Variants in KLHL1 observed in about 807,000 individuals in gnomAD.
The protein encoded by KLHL1 is kelch like family member 1, also known as kelch-like protein 1.
KLHL1 carries 47 observed loss-of-function variants against 77.7 expected under a neutral mutation model. The observed-to-expected ratio is 0.60, with a 90% CI of 0.48 to 0.77. The LOEUF is 0.77. Ranked by LOEUF, KLHL1 falls within the 30% of genes least tolerant of loss-of-function variation. The pLI is 0.00. For missense variants in KLHL1, 925 were observed against 910.8 expected, an observed-to-expected ratio of 1.02 and a Z score of -0.20; for synonymous variants, 360 against 325.2, an observed-to-expected ratio of 1.11 and a Z score of -1.15.
At chr13:70,097,710 A>G (rs1593741714) in intron 1 of KLHL1, among the ~76,000 whole-genome samples, 1 of 151,908 alleles carries the variant, frequency 6.6e-6, no homozygotes, top group East Asian at 1.9e-4. Flanking sequence ...TACTATCACA[A>G]TTGCAAACTA....
intron 9 of KLHL1, among the ~76,000 whole-genome samples, chr13:69,712,772 T>TG (rs796919925): frequency 7.0e-4 from 37 of 52,980 alleles, no homozygotes; most frequent in African/African-American, 2.5e-3. Context: ...TTTTTTTTTT[T>TG]GGGGGGGGGG....
chr13:69,726,956 A>G (rs1043381929), intron 8 of KLHL1, among the ~76,000 whole-genome samples: 1 of 152,156 alleles, frequency 6.6e-6, no homozygotes, highest in Non-Finnish European at 1.5e-5. Context: ...TCTAGAAAAA[A>G]TAGTGATTTA....
intron 5 of KLHL1, among the ~76,000 whole-genome samples, chr13:69,866,702 T>C (rs1279400195): frequency 6.6e-6 from 1 of 152,152 alleles, no homozygotes; most frequent in Non-Finnish European, 1.5e-5. Flanking sequence ...TATAAACTAT[T>C]GTTTTGACAT....
chr13:69,814,395 CTAT>C (rs1478168844), intron 6 of KLHL1, among the ~76,000 whole-genome samples: 1 of 152,008 alleles, frequency 6.6e-6, no homozygotes, highest in Non-Finnish European at 1.5e-5. Flanking sequence ...CAAAAATTGA[CTAT>C]TGAGAGGTAA....
At chr13:69,813,775 A>G (rs1878001695) in intron 6 of KLHL1, among the ~76,000 whole-genome samples, 1 of 152,212 alleles carries the variant, frequency 6.6e-6, no homozygotes, top group South Asian at 2.1e-4. Context: ...AAAACATTCC[A>G]TGCTCATGGA....
intron 6 of KLHL1, among the ~76,000 whole-genome samples, chr13:69,815,610 T>C (rs1264667434): frequency 6.6e-6 from 1 of 152,146 alleles, no homozygotes; most frequent in East Asian, 1.9e-4. Context: ...TCAGGTACTA[T>C]GTTTACTCTT....
At chr13:69,999,502 A>T (rs1885234695) in intron 1 of KLHL1, among the ~76,000 whole-genome samples, 1 of 152,254 alleles carries the variant, frequency 6.6e-6, no homozygotes, top group African/African-American at 2.4e-5. Context: ...AATTTCAAGT[A>T]TAAACTTTCC....
At chr13:69,806,394 A>T (rs1877619049) in intron 6 of KLHL1, among the ~76,000 whole-genome samples, 1 of 152,214 alleles carries the variant, frequency 6.6e-6, no homozygotes, top group Admixed American at 6.5e-5. Flanking sequence ...GACTAGACCC[A>T]AGTAGCATGT....
chr13:69,769,012 A>G (rs1209030890), intron 7 of KLHL1, among the ~76,000 whole-genome samples: 1 of 152,220 alleles, frequency 6.6e-6, no homozygotes, highest in African/African-American at 2.4e-5. Context: ...AATGAATATG[A>G]CTAAGTCTCA....
rs1258190291 is a variant in KLHL1 at position 70,108,187 on chromosome 13, G to A, written c.-488C>T. On this transcript the variant is annotated 5_prime_UTR_variant, in exon 1 of 11. Transcript: ENST00000377844. ...CTTGCAGCTCAGAGTTCAGTGTCTG[G>A]AGAGCGCAGAGAGAAAGAGCCCCAA... 2.5e-6 allele frequency: 1 copy of A among 397,212 alleles called. No homozygotes were observed. The highest frequency in any genetic ancestry group is 4.4e-6 in the Non-Finnish European group (1 of 226,054). 24.6% of individuals were successfully genotyped at this position (397,212 alleles called of 1,614,324 possible).
intron 1 of KLHL1, among the ~76,000 whole-genome samples, chr13:70,055,536 A>T (rs1886724464): frequency 6.6e-6 from 1 of 152,144 alleles, no homozygotes; most frequent in African/African-American, 2.4e-5. Flanking sequence ...TAACACTAAG[A>T]TTGCATTAAC....
chr13:69,966,647 C>A (rs1385913377), intron 2 of KLHL1, among the ~76,000 whole-genome samples: 1 of 151,970 alleles, frequency 6.6e-6, no homozygotes, highest in Non-Finnish European at 1.5e-5. Flanking sequence ...CATACACGTG[C>A]AATTTTGTTA....
chr13:69,875,622 T>A (rs1448551816), intron 5 of KLHL1, among the ~76,000 whole-genome samples: 1 of 152,132 alleles, frequency 6.6e-6, no homozygotes, highest in Admixed American at 6.5e-5. Context: ...TCCTTGCATA[T>A]CTTTTATTAT....
At chr13:69,970,748 A>G (rs953715148) in intron 2 of KLHL1, among the ~76,000 whole-genome samples, 2 of 152,132 alleles carry the variant, frequency 1.3e-5, no homozygotes, top group Non-Finnish European at 1.5e-5. Flanking sequence ...AGAGATAAAG[A>G]GGAAGCAAGT....
At chr13:69,961,539 T>G in intron 2 of KLHL1, 95 bp from the exon 3 acceptor site, 1 of 1,310,074 alleles carries the variant, frequency 7.6e-7, no homozygotes. Flanking sequence ...AATCAATCTA[T>G]TGATCAATCA....
At chr13:70,034,460 A>C (rs1366980473) in intron 1 of KLHL1, among the ~76,000 whole-genome samples, 1 of 152,184 alleles carries the variant, frequency 6.6e-6, no homozygotes, top group Non-Finnish European at 1.5e-5. Flanking sequence ...AATGGGACTC[A>C]GCAGTTAGTG....
intron 6 of KLHL1, among the ~76,000 whole-genome samples, chr13:69,811,744 A>C (rs1175217008): frequency 6.6e-6 from 1 of 152,132 alleles, no homozygotes. Context: ...TTCTATCAAA[A>C]GACCCTAGAC....
chr13:69,999,479 G>T (rs552329845), intron 1 of KLHL1, among the ~76,000 whole-genome samples: 1 of 152,152 alleles, frequency 6.6e-6, no homozygotes, highest in African/African-American at 2.4e-5. Flanking sequence ...AGCTTGAAAG[G>T]TTTGACAGAC....
rs559882981 is a variant in KLHL1, at chr13:69,828,708, G to A, written c.1414+10268C>T. Among the ~76,000 whole-genome samples the A allele has an allele frequency of 2.1e-4, 31 of 150,304 alleles. 3 individuals are homozygous for A. The highest frequency in any genetic ancestry group is 6.7e-4 in the African/African-American group (27 of 40,134). On this transcript the variant is annotated intron_variant, in intron 6 of 10. Transcript: ENST00000377844. ...GCTGCCTGGATATAAACTCCAGGCT[G>A]ATGCTGGGACAAGGTGGGAATAAGG...
Sources: allele counts gnomAD v4.1 joint callset (sites outside exome capture counted in the v4.1 genomes callset), GRCh38; gene constraint gnomAD v4.1.1; transcripts MANE v1.5; gene names NCBI Gene and HGNC (gene_info 2026-07-23, HGNC 2026-07-21).